AFAP1: variants seen among roughly 807,000 people sequenced by gnomAD.
AFAP1 encodes actin filament-associated protein 1.
Under a neutral mutation model 93.9 loss-of-function variants are expected in AFAP1, and 75 were observed. That is an observed-to-expected ratio of 0.80 (90% CI 0.66 to 0.97). AFAP1 has a LOEUF of 0.97. Ranked by LOEUF, AFAP1 falls within the 50% of genes least tolerant of loss-of-function variation. The pLI, the probability that AFAP1 is intolerant of heterozygous loss-of-function variation, is 0.00. For missense variants in AFAP1, 1,201 were observed against 1,050.8 expected (o/e 1.14, Z -1.98); for synonymous variants, 517 against 430.7 (o/e 1.20, Z -2.48).
intron 1 of AFAP1, among the ~76,000 whole-genome samples, chr4:7,909,551 G>T (rs1204903742): frequency 6.6e-6 from 1 of 152,146 alleles, no homozygotes; most frequent in South Asian, 2.1e-4. Context: ...GTGAATAACC[G>T]GCAAATATAC....
At chr4:7,868,456 G>A (rs1246663399) in intron 3 of AFAP1, among the ~76,000 whole-genome samples, 166 bp downstream of exon 3, 1 of 152,158 alleles carries the variant, frequency 6.6e-6, no homozygotes, top group African/African-American at 2.4e-5. Context: ...CTACCAACTA[G>A]CTATCACTCA....
Position 7,759,229 on chromosome 4 carries a change from T to G in AFAP1, c.*4536A>C, listed in dbSNP as rs372683455. Reference sequence around the variant, plus strand: ...AAAACACCTTTGGTCCTAAGACTTATGATCTGAAGATGTCCTTTTGAAAGT... The same window carrying G: ...AAAACACCTTTGGTCCTAAGACTTAGGATCTGAAGATGTCCTTTTGAAAGT... On this transcript the variant is annotated 3_prime_UTR_variant, in exon 18 of 18. Transcript: ENST00000420658. 6 of 152,804 alleles carry G rather than the reference T, an allele frequency of 3.9e-5. No individual in the cohort carries two copies. In the East Asian group the frequency reaches 9.6e-4, roughly 25 times the overall value. The allele number at this position is 152,804 out of a possible 1,614,324, so 9.5% of individuals were successfully genotyped here.
At chr4:7,869,175 AAAGAG>A (rs1237088863) in intron 2 of AFAP1, among the ~76,000 whole-genome samples, 5 of 151,486 alleles carry the variant, frequency 3.3e-5, no homozygotes, top group South Asian at 2.1e-4. Flanking sequence ...AAAGAAAAGA[AAAGAG>A]AAAAGAAAAG....
At chr4:7,897,451 T>A (rs1245949239) in intron 1 of AFAP1, among the ~76,000 whole-genome samples, 2 of 152,196 alleles carry the variant, frequency 1.3e-5, no homozygotes, top group Non-Finnish European at 2.9e-5. Flanking sequence ...AATCCTATCT[T>A]GGGAACTACT....
At chr4:7,781,253 G>GAAAA in intron 13 of AFAP1, 123 bp downstream of exon 13, 1 of 1,255,802 alleles carries the variant, frequency 8.0e-7, no homozygotes, top group Non-Finnish European at 1.1e-6. Flanking sequence ...TATTCTAGTT[G>GAAAA]AGAAAAAAAA....
intron 1 of AFAP1, among the ~76,000 whole-genome samples, chr4:7,896,650 C>T (rs34895446): frequency 3.0e-5 from 1 of 33,362 alleles, no homozygotes. Flanking sequence ...TCAGTCCTCA[C>T]TCCCCCCACA....
intron 1 of AFAP1, among the ~76,000 whole-genome samples, chr4:7,915,220 G>A (rs1044021159): frequency 1.1e-5 from 1 of 94,524 alleles, no homozygotes; most frequent in East Asian, 4.6e-4. Flanking sequence ...CGGTGCGTAA[G>A]AGTTCCCTTT....
intron 4 of AFAP1, among the ~76,000 whole-genome samples, chr4:7,848,859 G>C (rs1714108223): frequency 6.6e-6 from 1 of 152,110 alleles, no homozygotes; most frequent in African/African-American, 2.4e-5. Context: ...ATGAAATTAA[G>C]GAACACTCCA....
intron 9 of AFAP1, among the ~76,000 whole-genome samples, chr4:7,804,577 C>T (rs753420268): frequency 2.4e-4 from 36 of 152,096 alleles, no homozygotes; most frequent in African/African-American, 5.1e-4. Flanking sequence ...TCAGCTGGTC[C>T]GGATATGGGG....
At chr4:7,859,283 G>A (rs1013951279) in intron 3 of AFAP1, among the ~76,000 whole-genome samples, 12 of 152,124 alleles carry the variant, frequency 7.9e-5, no homozygotes, top group Non-Finnish European at 1.5e-4. Context: ...GCCGAGTGTG[G>A]TGGTGGGCAC....
intron 1 of AFAP1, among the ~76,000 whole-genome samples, chr4:7,914,491 C>T (rs938497139): frequency 6.6e-6 from 1 of 152,172 alleles, no homozygotes; most frequent in Non-Finnish European, 1.5e-5. Flanking sequence ...TGTGTTACGG[C>T]TGAATAGTAC....
At chr4:7,804,850 AG>A (rs1719362348) in intron 9 of AFAP1, among the ~76,000 whole-genome samples, 2 of 152,132 alleles carry the variant, frequency 1.3e-5, no homozygotes, top group African/African-American at 4.8e-5. Context: ...CTAGGAGGAG[AG>A]GGGCCTGCAA....
rs959987032 is a variant in AFAP1, at chr4:7,759,126, T to A, written c.*4639A>T. On this transcript the variant is annotated 3_prime_UTR_variant, in exon 18 of 18. Coordinates refer to ENST00000420658, the MANE Select transcript of AFAP1 (RefSeq NM_001134647.2). Reference sequence around the variant, plus strand: ...ATCACCATGGTCAATTAATTCTGAATATCACTTAAAAGTTGATGTTAAAAT... The same window carrying A: ...ATCACCATGGTCAATTAATTCTGAAAATCACTTAAAAGTTGATGTTAAAAT... The A allele has an allele frequency of 6.5e-6, 1 of 152,676 alleles. No individual in the cohort carries two copies. The highest frequency in any genetic ancestry group is 2.4e-5 in the African/African-American group (1 of 41,460). The allele number at this position is 152,676 out of a possible 1,614,324, so 9.5% of individuals were successfully genotyped here. A position where few individuals can be genotyped will look rare whatever the true frequency, so the allele number is the denominator to read the frequency against.
intron 16 of AFAP1, chr4:7,772,085 G>C (rs1715522777): frequency 6.6e-6 from 1 of 152,280 alleles, no homozygotes; most frequent in Non-Finnish European, 1.5e-5. Context: ...GAAGGACCTA[G>C]AAGGGGAGCG....
chr4:7,770,907 C>A (rs1388950742), intron 16 of AFAP1, among the ~76,000 whole-genome samples: 4 of 152,198 alleles, frequency 2.6e-5, no homozygotes, highest in African/African-American at 9.7e-5. Flanking sequence ...CAAGGGAAGA[C>A]CCCTGCCCTG....
chr4:7,810,385 C>T (rs566723722), intron 8 of AFAP1, among the ~76,000 whole-genome samples: 13 of 152,174 alleles, frequency 8.5e-5, no homozygotes, highest in East Asian at 3.9e-4. Context: ...GGGAGAAAAC[C>T]GTCCAGGTAA....
intron 9 of AFAP1, among the ~76,000 whole-genome samples, chr4:7,801,929 A>C (rs1019381685): frequency 4.6e-5 from 7 of 151,308 alleles, no homozygotes; most frequent in African/African-American, 1.2e-4. Context: ...AAAAAAAAAA[A>C]AAAAAAAAAA....
intron 6 of AFAP1, among the ~76,000 whole-genome samples, chr4:7,824,582 A>G (rs976126656): frequency 6.6e-6 from 1 of 152,224 alleles, no homozygotes; most frequent in Non-Finnish European, 1.5e-5. Context: ...TGGTTTTTTT[A>G]GACTTGACAA....
intron 6 of AFAP1, among the ~76,000 whole-genome samples, chr4:7,834,539 C>G (rs1712047787): frequency 6.6e-6 from 1 of 152,160 alleles, no homozygotes; most frequent in Non-Finnish European, 1.5e-5. Flanking sequence ...CAAAAAAAAG[C>G]AAGATAAAAT....
Sources: gnomAD v4.1 joint callset for allele counts (sites outside exome capture counted in the v4.1 genomes callset) on GRCh38, gnomAD v4.1.1 for gene constraint, MANE v1.5 for transcripts, NCBI Gene and HGNC (gene_info 2026-07-23, HGNC 2026-07-21) for gene names.